Variants in FLRT1 observed in about 807,000 individuals in gnomAD.
The protein encoded by FLRT1 is leucine-rich repeat transmembrane protein FLRT1.
A neutral mutation model predicts 30.9 loss-of-function variants in FLRT1; 14 were observed. The ratio of observed to expected loss-of-function variants is 0.45; its 90% CI spans 0.30 to 0.71. The LOEUF (loss-of-function observed/expected upper bound fraction) is 0.71. Among genes scored for constraint, FLRT1 ranks in the 30% least tolerant of loss-of-function variants. The probability of loss-of-function intolerance (pLI) is 0.08; values close to 1 mark genes in which losing one functional copy is unlikely to be tolerated. For synonymous variants in FLRT1, 368 were observed against 430.4 expected (o/e 0.85, Z 1.80); for missense variants, 737 against 949.2 (o/e 0.78, Z 2.94).
intron 1 of FLRT1, among the ~76,000 whole-genome samples, chr11:64,069,794 A>G (rs1944073614): frequency 6.6e-6 from 1 of 152,228 alleles, no homozygotes; most frequent in Non-Finnish European, 1.5e-5. Context: ...CGGCCACTGC[A>G]GACGCAGCAG....
At chr11:64,053,084 A>AGGGGCTTCTGATTCCCTGCCTGAG (rs1943723278) in intron 1 of FLRT1, among the ~76,000 whole-genome samples, 1 of 152,180 alleles carries the variant, frequency 6.6e-6, no homozygotes, top group African/African-American at 2.4e-5. Flanking sequence ...GATTCCCTCC[A>AGGGGCTTCTGATTCCCTGCCTGAG]GCACGCTGGG....
intron 1 of FLRT1, among the ~76,000 whole-genome samples, chr11:64,058,236 T>A (rs1430508803): frequency 2.0e-5 from 3 of 152,234 alleles, no homozygotes; most frequent in African/African-American, 7.2e-5. Context: ...CTGAGCAGGG[T>A]AACCTGCTCC....
chr11:64,065,030 G>C (rs1210791892), intron 1 of FLRT1, among the ~76,000 whole-genome samples: 1 of 152,164 alleles, frequency 6.6e-6, no homozygotes, highest in Non-Finnish European at 1.5e-5. Context: ...CTGGTGCTAG[G>C]GACATGAGCA....
At chr11:64,095,792 G>A (rs1243834604) in intron 1 of FLRT1, among the ~76,000 whole-genome samples, 1 of 152,240 alleles carries the variant, frequency 6.6e-6, no homozygotes, top group South Asian at 2.1e-4. Flanking sequence ...TGAGCAGGGG[G>A]CTCCTGAAAT....
In FLRT1 at chr11:64,111,763, G is replaced by A. The variant is rs140248369; in HGVS notation, c.-49-4456G>A. Among the ~76,000 whole-genome samples the A allele has an allele frequency of 1.9e-3, 291 of 152,336 alleles. 1 individual carries two copies. Among genetic ancestry groups the A allele is most frequent in the African/African-American group, 6.6e-3 (274 of 41,568 alleles). On this transcript the variant is annotated intron_variant, in intron 2 of 2. Transcript: ENST00000682287. ...TGCATGCTGTCCTGGCTTCAAGCCC[G>A]TCCTTTCCCATGATCTGGGCCAGTG... is the stretch of plus-strand genomic sequence containing the variant.
rs1415556304 is a variant in FLRT1 at position 64,064,427 on chromosome 11, CT to C, written c.-1038+28269del. Among the ~76,000 whole-genome samples, 1 of 152,284 alleles carries C rather than the reference CT, an allele frequency of 6.6e-6. No individual in the cohort carries two copies. Among genetic ancestry groups the C allele is most frequent in the Admixed American group, 6.5e-5 (1 of 15,290 alleles). ...GGCCAGTGCCGGGACTCCAGCTCCT[CT>C]GGGCACTGGGCAGGCAATCTCTGTT... On this transcript the variant is annotated intron_variant, in intron 1 of 2. Coordinates refer to ENST00000682287, the MANE Select transcript of FLRT1 (RefSeq NM_013280.5). The surrounding 1 kb of genome is among the most constrained non-coding windows in gnomAD (Gnocchi z 4.5).
intron 1 of FLRT1, among the ~76,000 whole-genome samples, chr11:64,058,018 A>G (rs1322231592): frequency 3.3e-5 from 5 of 152,162 alleles, no homozygotes; most frequent in Non-Finnish European, 7.3e-5. Flanking sequence ...GCCTGCCACC[A>G]TCTGTGAGCC....
chr11:64,116,940 C>A lies in FLRT1; in HGVS notation c.673C>A (p.Arg225=), dbSNP rs145808542. The change falls in exon 3 of 3, where the codon CGG becomes AGG. Residue 225 remains arginine, a synonymous_variant. Coordinates refer to ENST00000682287, the MANE Select transcript of FLRT1 (RefSeq NM_013280.5). ...LHAFKGLNSL[R]RLVLDGNLLA... is the part of the protein sequence containing the mutation. Reference sequence around the variant, plus strand: ...TGCCTTCAAGGGCCTCAACAGCCTGCGGCGCCTGGTGCTGGACGGTAACCT... The same window carrying A: ...TGCCTTCAAGGGCCTCAACAGCCTGAGGCGCCTGGTGCTGGACGGTAACCT... The A allele has an allele frequency of 6.2e-7, 1 of 1,611,306 alleles. No homozygotes were observed. Among genetic ancestry groups the A allele is most frequent in the Non-Finnish European group, 8.5e-7 (1 of 1,179,984 alleles).
rs1008770742 is a variant in FLRT1, at chr11:64,090,331, G to A, written c.-1037-12863G>A. ...ATAGTCAGCAGTTATTTATCGTCTC[G>A]TTTCTTAGTGGGTAGGAAAGCCACA... is the stretch of plus-strand genomic sequence containing the variant. On this transcript the variant is annotated intron_variant, in intron 1 of 2. Transcript: ENST00000682287. This position sits in a 1 kb window ranked among gnomAD's most constrained non-coding sequence, Gnocchi z 4.7. 6.6e-6 allele frequency among the ~76,000 whole-genome samples: 1 copy of A among 152,200 alleles called. No individual in the cohort carries two copies. The highest frequency in any genetic ancestry group is 2.4e-5 in the African/African-American group (1 of 41,442).
chr11:64,074,705 G>T (rs897508425), intron 1 of FLRT1, among the ~76,000 whole-genome samples: 6 of 152,176 alleles, frequency 3.9e-5, no homozygotes, highest in African/African-American at 1.4e-4. Context: ...CCACCAAACT[G>T]CCCTGTGGGT....
At chr11:64,080,596 T>C (rs1484745459) in intron 1 of FLRT1, among the ~76,000 whole-genome samples, 1 of 152,212 alleles carries the variant, frequency 6.6e-6, no homozygotes, top group African/African-American at 2.4e-5. Flanking sequence ...GCTCAACACG[T>C]AGGCGTTCAG....
intron 1 of FLRT1, among the ~76,000 whole-genome samples, chr11:64,057,980 C>T (rs1943822241): frequency 6.6e-6 from 1 of 152,246 alleles, no homozygotes; most frequent in African/African-American, 2.4e-5. Flanking sequence ...TGCCACCCCA[C>T]CTTGTGCTCA....
intron 1 of FLRT1, among the ~76,000 whole-genome samples, chr11:64,078,621 T>C (rs1369492918): frequency 1.3e-5 from 2 of 152,120 alleles, no homozygotes; most frequent in Non-Finnish European, 2.9e-5. Context: ...CCTGGCCCTC[T>C]CCTGAGGTGA....
At chr11:64,056,737 C>T (rs1943793392) in intron 1 of FLRT1, among the ~76,000 whole-genome samples, 2 of 152,178 alleles carry the variant, frequency 1.3e-5, no homozygotes, top group African/African-American at 2.4e-5. Flanking sequence ...GGGTGTGAGG[C>T]CCATCCTGGG....
chr11:64,049,320 A>G (rs1943646152), intron 1 of FLRT1, among the ~76,000 whole-genome samples: 1 of 152,200 alleles, frequency 6.6e-6, no homozygotes. Context: ...TGGGGATTGA[A>G]CAGGGTCCTA....
intron 1 of FLRT1, among the ~76,000 whole-genome samples, chr11:64,054,422 G>A (rs965527460): frequency 6.6e-6 from 1 of 152,148 alleles, no homozygotes; most frequent in Non-Finnish European, 1.5e-5. Flanking sequence ...TGCAAACACC[G>A]CACTATAAAT....
chr11:64,073,829 C>A (rs372815068), intron 1 of FLRT1, among the ~76,000 whole-genome samples: 6 of 152,144 alleles, frequency 3.9e-5, no homozygotes, highest in African/African-American at 1.4e-4. Flanking sequence ...GAGGGGGGCC[C>A]ACAGCCCCCA....
chr11:64,087,729 C>T (rs562311737), intron 1 of FLRT1, among the ~76,000 whole-genome samples: 69 of 152,352 alleles, frequency 4.5e-4, no homozygotes, highest in Admixed American at 1.6e-3. Flanking sequence ...CTTGTGGTCC[C>T]TCACCCTGTC....
intron 1 of FLRT1, among the ~76,000 whole-genome samples, chr11:64,077,620 G>A (rs1467985742): frequency 6.6e-6 from 1 of 152,082 alleles, no homozygotes; most frequent in Non-Finnish European, 1.5e-5. Context: ...GGGCACACAC[G>A]AACAGAACTC....
Sources: gnomAD v4.1 joint callset for allele counts (sites outside exome capture counted in the v4.1 genomes callset) on GRCh38, gnomAD v4.1.1 for gene constraint, Gnocchi (gnomAD v3.1) non-coding constraint, MANE v1.5 for transcripts, NCBI Gene and HGNC (gene_info 2026-07-23, HGNC 2026-07-21) for gene names.